TSPAN19: variants seen among roughly 807,000 people sequenced by gnomAD.
TSPAN19 encodes the protein tetraspanin-19.
In TSPAN19, 44 loss-of-function variants were observed where a neutral mutation model predicts 35.1. The observed-to-expected ratio is 1.25, with a 90% CI of 0.98 to 1.61. The LOEUF (loss-of-function observed/expected upper bound fraction) is 1.61, where lower values mean the gene tolerates loss of function less well. TSPAN19 is among the 40% of genes most tolerant of loss of function. TSPAN19 has a pLI of 0.00. For synonymous variants in TSPAN19, 79 were observed against 92.0 expected, an observed-to-expected ratio of 0.86 and a Z score of 0.81; for missense variants, 290 against 280.0, an observed-to-expected ratio of 1.04 and a Z score of -0.26.
chr12:85,023,995 A>C (rs886614577), intron 4 of TSPAN19, among the ~76,000 whole-genome samples: 2 of 152,208 alleles, frequency 1.3e-5, no homozygotes, highest in African/African-American at 4.8e-5. Context: ...AAAGAAAATT[A>C]TCTCTAAATA....
intron 1 of TSPAN19, among the ~76,000 whole-genome samples, chr12:85,033,269 T>G (rs17249756): frequency 1.3e-5 from 2 of 151,946 alleles, no homozygotes; most frequent in Non-Finnish European, 2.9e-5. Context: ...GAGGCATGGA[T>G]CAGAGTGGCA....
chr12:85,026,174 C>A (rs1460004294), intron 4 of TSPAN19, among the ~76,000 whole-genome samples: 1 of 152,094 alleles, frequency 6.6e-6, no homozygotes, highest in Non-Finnish European at 1.5e-5. Flanking sequence ...CATTTCCTAT[C>A]CCCTGCCCAC....
intron 4 of TSPAN19, 38 bp from the exon 5 acceptor site, chr12:85,023,438 C>T: frequency 6.8e-7 from 1 of 1,464,324 alleles, no homozygotes; most frequent in Non-Finnish European, 9.3e-7. Flanking sequence ...GACTATGCTA[C>T]TAATATATGT....
In TSPAN19 at chr12:85,015,967, C is replaced by A. The variant is rs968304414; in HGVS notation, c.599G>T (p.Cys200Phe). 1.8e-5 allele frequency: 27 copies of A among 1,534,388 alleles called. No homozygotes were observed. Among genetic ancestry groups the A allele is most frequent in the Non-Finnish European group, 2.2e-5 (25 of 1,137,356 alleles). ...ATACCATGCACTGATTTTATTTTCA[C>A]AACCCTAAGAAAAAGAAGTTATTCA... ...EPLNATYLEG[C>F]ENKISAWYNV... Residue 200 changes from cysteine to phenylalanine, a missense_variant, in exon 8 of 9, where the codon TGT becomes TTT. Cys to Phe is a radical substitution (Grantham distance 205). Transcript: ENST00000532498.
At chr12:85,015,792 A>G in intron 8 of TSPAN19, 96 bp downstream of exon 8, 1 of 850,606 alleles carries the variant, frequency 1.2e-6, no homozygotes, top group Non-Finnish European at 1.8e-6. Flanking sequence ...TATTATATGA[A>G]CTTATCTGAT....
At position 85,017,737 on chromosome 12, in the gene TSPAN19, T is replaced by A. The variant is rs73379712; in HGVS notation, c.451-138A>T. 3,294 of 622,182 alleles carry A rather than the reference T, an allele frequency of 5.3e-3. 88 individuals are homozygous for A. In the African/African-American group the frequency reaches 0.058, roughly 11 times the overall value. 38.5% of individuals were successfully genotyped at this position (622,182 alleles called of 1,614,324 possible). ...ATGAACATGTAATGAATTAAATAAG[T>A]ATATCTGTGCTTGTTTAATTCATTA... On this transcript the variant is annotated intron_variant, in intron 6 of 8. Transcript: ENST00000532498.
intron 1 of TSPAN19, among the ~76,000 whole-genome samples, chr12:85,032,778 T>C (rs1420202157): frequency 6.6e-6 from 1 of 152,186 alleles, no homozygotes; most frequent in Non-Finnish European, 1.5e-5. Flanking sequence ...GTGTGAAAGA[T>C]CTATATTTTC....
intron 1 of TSPAN19, among the ~76,000 whole-genome samples, chr12:85,032,952 T>C (rs911741768): frequency 3.3e-5 from 5 of 152,270 alleles, no homozygotes; most frequent in African/African-American, 1.2e-4. Flanking sequence ...ATAGGTATTA[T>C]TTTGCACTAG....
At chr12:85,030,692 G>A (rs1441995574) in intron 1 of TSPAN19, among the ~76,000 whole-genome samples, 1 of 152,052 alleles carries the variant, frequency 6.6e-6, no homozygotes. Context: ...TTAGTATGCA[G>A]TATATAAAAA....
rs868088534 is a variant in TSPAN19, at chr12:85,029,921, A to T, written c.26T>A (p.Ile9Asn). The change falls in exon 2 of 9, where the codon ATT becomes AAT. Residue 9 changes from isoleucine to asparagine, a missense_variant. Transcript: ENST00000532498. The stretch of plus-strand genomic sequence containing the variant: ...AATGAGATTAAGAAAGTACTTAATA[A>T]TTATTGTTTTGTTATTTCTTAACAT... MLRNNKTI[I>N]IKYFLNLING... 3 of 1,460,558 alleles carry T rather than the reference A, an allele frequency of 2.1e-6. No individual in the cohort carries two copies. The highest frequency in any genetic ancestry group is 1.4e-5 in the African/African-American group (1 of 69,788). The allele number at this position is 1,460,558 out of a possible 1,614,324, so 90.5% of individuals were successfully genotyped here. A position where few individuals can be genotyped will look rare whatever the true frequency, so the allele number is the denominator to read the frequency against.
At chr12:85,019,278 G>A (rs1426986320) in intron 6 of TSPAN19, among the ~76,000 whole-genome samples, 1 of 151,896 alleles carries the variant, frequency 6.6e-6, no homozygotes, top group Non-Finnish European at 1.5e-5. Flanking sequence ...CTGGTATTCA[G>A]ACTCAAATGG....
chr12:85,019,553 C>A (rs1273632977), intron 6 of TSPAN19, 73 bp downstream of exon 6: 5 of 944,956 alleles, frequency 5.3e-6, no homozygotes, highest in Non-Finnish European at 8.5e-6. Flanking sequence ...CCATCCCCTG[C>A]CCTGACCTAT....
chr12:85,022,522 A>C (rs1242594545), intron 5 of TSPAN19, among the ~76,000 whole-genome samples: 7 of 152,276 alleles, frequency 4.6e-5, no homozygotes, highest in Admixed American at 2.6e-4. Flanking sequence ...ATAAATTGTC[A>C]GTTAATGACA....
At chr12:85,024,964 A>G (rs1039026401) in intron 4 of TSPAN19, among the ~76,000 whole-genome samples, 4 of 151,892 alleles carry the variant, frequency 2.6e-5, no homozygotes, top group African/African-American at 4.8e-5. Context: ...ATCTGACCAA[A>G]ATTTTCTTCT....
At chr12:85,023,688 G>A (rs1286807609) in intron 4 of TSPAN19, among the ~76,000 whole-genome samples, 1 of 152,098 alleles carries the variant, frequency 6.6e-6, no homozygotes, top group Non-Finnish European at 1.5e-5. Flanking sequence ...CAGTTCTAAA[G>A]CTATTATAGG....
At chr12:85,031,763 A>T (rs1877695797) in intron 1 of TSPAN19, among the ~76,000 whole-genome samples, 1 of 152,106 alleles carries the variant, frequency 6.6e-6, no homozygotes, top group South Asian at 2.1e-4. Context: ...TCAGGCAGGC[A>T]TCTTTTAAGC....
intron 5 of TSPAN19, among the ~76,000 whole-genome samples, chr12:85,021,156 T>C (rs1215861857): frequency 6.6e-6 from 1 of 152,106 alleles, no homozygotes; most frequent in Non-Finnish European, 1.5e-5. Flanking sequence ...ATATTATTAC[T>C]GTTTTATGAA....
At chr12:85,023,103 A>G (rs1047782313) in intron 5 of TSPAN19, among the ~76,000 whole-genome samples, 22 of 152,060 alleles carry the variant, frequency 1.4e-4, no homozygotes, top group African/African-American at 5.1e-4. Context: ...CTACTTTCTA[A>G]TCATATGCAA....
Position 85,015,901 on chromosome 12 carries a change from A to G in TSPAN19, c.665T>C (p.Leu222Pro), listed in dbSNP as rs1417642966. 9.7e-6 allele frequency: 15 copies of G among 1,547,894 alleles called. No individual in the cohort carries two copies. Among genetic ancestry groups the G allele is most frequent in the Non-Finnish European group, 1.3e-5 (15 of 1,144,900 alleles). Residue 222 changes from leucine (L) to proline (P), a missense_variant, in exon 8 of 9, where the codon CTT (leucine) becomes CCT (proline). Physicochemically the swap from Leu to Pro is moderately conservative, Grantham distance 98. Transcript: ENST00000532498. ...ACAAAAGCTTACCTCTGAAGTTAAA[A>G]GTCCAAAGTTAATTCCGATTAAGGT... is the stretch of plus-strand genomic sequence containing the variant. ...VLTLIGINFG[L>P]LTSEVFQVSL...
Sources: allele counts gnomAD v4.1 joint callset (sites outside exome capture counted in the v4.1 genomes callset), GRCh38; gene constraint gnomAD v4.1.1; transcripts MANE v1.5; gene names NCBI Gene and HGNC (gene_info 2026-07-23, HGNC 2026-07-21).